The following STRBP variants were observed in gnomAD, a reference collection of about 807,000 sequenced individuals.
STRBP encodes spermatid perinuclear RNA-binding protein.
A neutral mutation model predicts 80.1 loss-of-function variants in STRBP; 13 were observed. The observed-to-expected ratio is 0.16, with a 90% CI of 0.11 to 0.26. STRBP has a LOEUF of 0.26. STRBP is among the 10% of genes least tolerant of loss of function. The probability of loss-of-function intolerance (pLI) is 1.00; values close to 1 mark genes in which losing one functional copy is unlikely to be tolerated. For synonymous variants in STRBP, 284 were observed against 291.2 expected (o/e 0.98, Z 0.25); for missense variants, 485 against 815.2 (o/e 0.59, Z 4.93).
chr9:123,188,487 A>G (rs1389065712), intron 2 of STRBP, among the ~76,000 whole-genome samples: 1 of 151,946 alleles, frequency 6.6e-6, no homozygotes, highest in Non-Finnish European at 1.5e-5. Flanking sequence ...TAAAAAATAC[A>G]AAAAATTGGC....
intron 11 of STRBP, among the ~76,000 whole-genome samples, chr9:123,155,282 T>C (rs770805645): frequency 8.5e-5 from 13 of 152,152 alleles, no homozygotes; most frequent in Non-Finnish European, 1.6e-4. Context: ...GAAACAGTTA[T>C]CTAGGAAACT....
rs2035887709 is a variant in STRBP, at chr9:123,126,217, T to C, written c.1943-544A>G. Reference sequence around the variant, plus strand: ...TCTTGTGGCCTCACAGACTTCTGCATAGTCGAGCATGATTTGAAATCTGCT... The same window carrying C: ...TCTTGTGGCCTCACAGACTTCTGCACAGTCGAGCATGATTTGAAATCTGCT... On this transcript the variant is annotated intron_variant, in intron 18 of 18. Transcript: ENST00000348403. This position sits in a 1 kb window ranked among gnomAD's most constrained non-coding sequence, Gnocchi z 4.4. Among the ~76,000 whole-genome samples the C allele has an allele frequency of 1.3e-5, 2 of 152,266 alleles. No homozygotes were observed. The highest frequency in any genetic ancestry group is 4.1e-4 in the South Asian group (2 of 4,834).
chr9:123,251,300 T>C (rs1055145828), intron 1 of STRBP, among the ~76,000 whole-genome samples: 5 of 152,072 alleles, frequency 3.3e-5, no homozygotes, highest in African/African-American at 1.2e-4. Context: ...ACTGAGCCCA[T>C]CGCAAATGTC....
chr9:123,172,067 A>C (rs186127726), intron 5 of STRBP, among the ~76,000 whole-genome samples: 1 of 152,354 alleles, frequency 6.6e-6, no homozygotes, highest in African/African-American at 2.4e-5. Context: ...TCTGTCTTCA[A>C]AACAGGAGAG....
chr9:123,236,177 T>C (rs1487675995), intron 2 of STRBP, among the ~76,000 whole-genome samples: 1 of 152,204 alleles, frequency 6.6e-6, no homozygotes, highest in Non-Finnish European at 1.5e-5. Context: ...TTGAGTACCA[T>C]ATAGTATAAA....
At chr9:123,141,699 A>G (rs188797993) in intron 13 of STRBP, among the ~76,000 whole-genome samples, 1 of 152,230 alleles carries the variant, frequency 6.6e-6, no homozygotes, top group Non-Finnish European at 1.5e-5. Flanking sequence ...CTTTTCTCAC[A>G]TATCAGATTC....
chr9:123,150,790 C>T (rs1164841172), intron 11 of STRBP, among the ~76,000 whole-genome samples: 1 of 152,014 alleles, frequency 6.6e-6, no homozygotes, highest in African/African-American at 2.4e-5. Context: ...CTGGTGAACC[C>T]CCCACACACT....
At chr9:123,111,799 T>C (rs574433786) in intron 3 of STRBP, 16 of 320,530 alleles carry the variant, frequency 5.0e-5, no homozygotes, top group Non-Finnish European at 9.6e-5. Context: ...TTCTTAGAGC[T>C]GTACCATAAG....
intron 3 of STRBP, among the ~76,000 whole-genome samples, chr9:123,182,977 T>C (rs1419052575): frequency 6.9e-6 from 1 of 144,614 alleles, no homozygotes; most frequent in Non-Finnish European, 1.5e-5. Flanking sequence ...ATCATGTCAC[T>C]GCACTCCAGC....
At chr9:123,146,742 T>A in intron 13 of STRBP, 113 bp downstream of exon 13, 1 of 924,222 alleles carries the variant, frequency 1.1e-6, no homozygotes, top group Non-Finnish European at 1.5e-6. Context: ...AGTCTATATA[T>A]AATATTATTG....
rs2035885869 is a variant in STRBP at position 123,126,155 on chromosome 9, A to G, written c.1943-482T>C. Among the ~76,000 whole-genome samples the G allele has an allele frequency of 6.6e-6, 1 of 152,244 alleles. No individual in the cohort carries two copies. Among genetic ancestry groups the G allele is most frequent in the Admixed American group, 6.5e-5 (1 of 15,290 alleles). On this transcript the variant is annotated intron_variant, in intron 18 of 18. Transcript: ENST00000348403. The surrounding 1 kb of genome is among the most constrained non-coding windows in gnomAD (Gnocchi z 4.4). ...GCCAATATTGGCATGGCAAATCTGG[A>G]AAGATTAATTACTTTCTGAATTTGT... is the stretch of plus-strand genomic sequence containing the variant.
At chr9:123,196,577 T>A (rs891282330) in intron 2 of STRBP, among the ~76,000 whole-genome samples, 6 of 151,576 alleles carry the variant, frequency 4.0e-5, no homozygotes, top group Admixed American at 3.9e-4. Context: ...GGACAAAAAA[T>A]TTGAATAGGT....
chr9:123,156,004 G>A lies in STRBP; in HGVS notation c.1045+2008C>T, dbSNP rs1317769532. ...CAGAACTAGAACAGGAACACTGGCAGTCTGGTTCTATTTTATGCTATCAAC... is the reference window on the plus strand; with the variant it reads ...CAGAACTAGAACAGGAACACTGGCAATCTGGTTCTATTTTATGCTATCAAC... On this transcript the variant is annotated intron_variant, in intron 11 of 18. Transcript: ENST00000348403. Among the ~76,000 whole-genome samples the A allele has an allele frequency of 2.0e-5, 3 of 151,772 alleles. No individual in the cohort carries two copies. The East Asian group carries it at 5.8e-4, about 29-fold the overall frequency.
At chr9:123,131,314 G>C (rs575653830) in intron 17 of STRBP, among the ~76,000 whole-genome samples, 1 of 152,264 alleles carries the variant, frequency 6.6e-6, no homozygotes, top group African/African-American at 2.4e-5. Context: ...AGGGTTCTAA[G>C]ACCAAAATCC....
intron 1 of STRBP, among the ~76,000 whole-genome samples, chr9:123,260,323 A>G (rs976176189): frequency 6.6e-6 from 1 of 152,232 alleles, no homozygotes; most frequent in African/African-American, 2.4e-5. Flanking sequence ...GTGATACTAA[A>G]GAAGGGAGGA....
intron 1 of STRBP, among the ~76,000 whole-genome samples, chr9:123,267,015 C>T (rs967957427): frequency 4.0e-5 from 6 of 151,686 alleles, no homozygotes; most frequent in African/African-American, 1.5e-4. Context: ...CCCTCCCCTC[C>T]ACCTTCCTCC....
chr9:123,266,991 T>C (rs2041281536), intron 1 of STRBP, among the ~76,000 whole-genome samples: 1 of 151,542 alleles, frequency 6.6e-6, no homozygotes, highest in African/African-American at 2.4e-5. Context: ...CCCCCTCTAC[T>C]GATTTCGTTC....
At chr9:123,244,270 A>G (rs2040755664) in intron 1 of STRBP, among the ~76,000 whole-genome samples, 1 of 152,202 alleles carries the variant, frequency 6.6e-6, no homozygotes, top group Non-Finnish European at 1.5e-5. Flanking sequence ...CTATGTTAAC[A>G]GTAAAAGGAT....
chr9:123,119,927 T>C (rs937500446), downstream of STRBP, among the ~76,000 whole-genome samples: 2 of 152,184 alleles, frequency 1.3e-5, no homozygotes, highest in African/African-American at 4.8e-5. Flanking sequence ...GGTACTATTT[T>C]TAAAAACCTC....
Sources: allele counts gnomAD v4.1 joint callset (sites outside exome capture counted in the v4.1 genomes callset), GRCh38; gene constraint gnomAD v4.1.1; non-coding constraint Gnocchi (gnomAD v3.1); transcripts MANE v1.5; gene names NCBI Gene and HGNC (gene_info 2026-07-23, HGNC 2026-07-21).